PDZD8: variants seen among roughly 807,000 people sequenced by gnomAD.
PDZD8 encodes PDZ domain containing 8.
In PDZD8, 14 loss-of-function variants were observed where a neutral mutation model predicts 85.8. That is an observed-to-expected ratio of 0.16 (90% confidence interval 0.11 to 0.26). The LOEUF is 0.26. Ranked by LOEUF, PDZD8 falls within the 10% of genes least tolerant of loss-of-function variation. The pLI is 1.00. For synonymous variants in PDZD8, 592 were observed against 568.6 expected, an observed-to-expected ratio of 1.04 and a Z score of -0.59; for missense variants, 1,197 against 1,424.3, an observed-to-expected ratio of 0.84 and a Z score of 2.57.
Position 117,333,130 on chromosome 10 carries a change from A to AAAAAAAC in PDZD8, c.995+7849_995+7850insGTTTTTT, listed in dbSNP as rs1564703029. ...TGGACTCTGTCTCAAAAAAAAAAAA[A>AAAAAAAC]AAAAAAAAAAAAAGGGGATATGGAG... On this transcript the variant is annotated intron_variant, in intron 2 of 4. Transcript: ENST00000334464. 2.7e-3 allele frequency among the ~76,000 whole-genome samples: 405 copies of AAAAAAAC among 149,130 alleles called. 15 individuals are homozygous for AAAAAAAC. Among genetic ancestry groups the AAAAAAAC allele is most frequent in the Admixed American group, 0.024 (363 of 14,910 alleles).
At position 117,373,711 on chromosome 10, in the gene PDZD8, C is replaced by T. The variant is rs987738076; in HGVS notation, c.872+645G>A. ...AGGAGAATCGCTCGAACCTGGGAGG[C>T]AGAGGTTGCAGTAAGCCGAGATCGC... On this transcript the variant is annotated intron_variant, in intron 1 of 4. Coordinates refer to ENST00000334464, the MANE Select transcript of PDZD8 (RefSeq NM_173791.5). 4.6e-5 allele frequency among the ~76,000 whole-genome samples: 7 copies of T among 151,392 alleles called. No homozygotes were observed. In the East Asian group the frequency reaches 1.4e-3, roughly 29 times the overall value.
intron 2 of PDZD8, among the ~76,000 whole-genome samples, chr10:117,329,967 G>GGAAGGGAA (rs1844387411): frequency 5.3e-5 from 3 of 57,116 alleles, no homozygotes; most frequent in Non-Finnish European, 6.7e-5. Flanking sequence ...GAGGGAGGAA[G>GGAAGGGAA]GGAAGGAAGG....
At chr10:117,333,126 A>ACAAAAAC (rs1554854835) in intron 2 of PDZD8, among the ~76,000 whole-genome samples, 1 of 140,692 alleles carries the variant, frequency 7.1e-6, no homozygotes, top group African/African-American at 2.7e-5. Context: ...TCAAAAAAAA[A>ACAAAAAC]AAAAAAAAAA....
chr10:117,347,710 C>T (rs890203238), intron 1 of PDZD8, among the ~76,000 whole-genome samples: 4 of 152,096 alleles, frequency 2.6e-5, no homozygotes, highest in African/African-American at 7.2e-5. Flanking sequence ...CAGAGGAACT[C>T]ATAACAGTAG....
chr10:117,290,446 G>T, intron 3 of PDZD8, 98 bp from the exon 4 acceptor site: 2 of 846,740 alleles, frequency 2.4e-6, no homozygotes, highest in Non-Finnish European at 3.5e-6. Context: ...GAGCACCATG[G>T]CTGATGCTGA....
intron 2 of PDZD8, among the ~76,000 whole-genome samples, chr10:117,329,797 G>A (rs1844383957): frequency 6.6e-6 from 1 of 151,102 alleles, no homozygotes; most frequent in Non-Finnish European, 1.5e-5. Context: ...AATACAAAAA[G>A]GAGTTGGGTA....
intron 3 of PDZD8, among the ~76,000 whole-genome samples, chr10:117,305,389 G>A (rs1318121918): frequency 2.6e-5 from 4 of 151,170 alleles, no homozygotes; most frequent in Non-Finnish European, 5.9e-5. Context: ...CTCCAGCCTG[G>A]GCAACAGAGC....
intron 3 of PDZD8, among the ~76,000 whole-genome samples, chr10:117,318,336 C>T (rs1332162009): frequency 6.6e-6 from 1 of 152,100 alleles, no homozygotes; most frequent in African/African-American, 2.4e-5. Context: ...TAGCTTTGTT[C>T]ACTTTTTTTG....
At chr10:117,368,812 G>C (rs886097433) in intron 1 of PDZD8, among the ~76,000 whole-genome samples, 5 of 149,966 alleles carry the variant, frequency 3.3e-5, no homozygotes, top group Non-Finnish European at 7.4e-5. Context: ...TTTTTTTCTG[G>C]CAGAGTGACT....
chr10:117,373,703 C>G (rs1364148753), intron 1 of PDZD8, among the ~76,000 whole-genome samples: 1 of 151,754 alleles, frequency 6.6e-6, no homozygotes, highest in African/African-American at 2.4e-5. Context: ...TCGCTCGAAC[C>G]TGGGAGGCAG....
rs1228739114 is a variant in PDZD8, at chr10:117,283,544, C to G, written c.3189G>C (p.Glu1063Asp). The change falls in exon 5 of 5, where the codon GAG (glutamate) becomes GAC (aspartate). Residue 1063 changes from glutamate to aspartate, a missense_variant. By Grantham distance (45) the Glu-to-Asp change is conservative (BLOSUM62 2). Transcript: ENST00000334464. ...GTGATTTTTTCCTTGTATCAGTTGTCTCTTTTTCTTCTCTAACAAGGGAAT... is the reference window on the plus strand; with the variant it reads ...GTGATTTTTTCCTTGTATCAGTTGTGTCTTTTTCTTCTCTAACAAGGGAAT... ...HNNSLVREEK[E>D]TTDTRKKSLL... The G allele has an allele frequency of 1.2e-6, 2 of 1,614,170 alleles. No homozygotes were observed. The highest frequency in any genetic ancestry group is 2.2e-5 in the South Asian group (2 of 91,082).
chr10:117,330,404 T>C (rs1844401723), intron 2 of PDZD8, among the ~76,000 whole-genome samples: 2 of 152,172 alleles, frequency 1.3e-5, no homozygotes, highest in Non-Finnish European at 2.9e-5. Context: ...AATGAGTACC[T>C]CTATTTCCCC....
Position 117,284,762 on chromosome 10 carries a change from C to T in PDZD8, c.1971G>A (p.Val657=). 6.2e-7 allele frequency: 1 copy of T among 1,614,170 alleles called. No homozygotes were observed. ...AAGTTTCTGAAGTGACATCTTTGGC[C>T]ACTTCTTGCTTTGCTAAAAATTGCT... ...APKQFLAKQE[V]AKDVTSETSC... The change falls in exon 5 of 5, where the codon GTG becomes GTA. Residue 657 remains valine, a synonymous_variant. Transcript: ENST00000334464.
At chr10:117,314,032 A>G (rs550794560) in intron 3 of PDZD8, 1 of 152,342 alleles carries the variant, frequency 6.6e-6, no homozygotes, top group African/African-American at 2.4e-5. Context: ...TGTTAGAGGT[A>G]GTGGGATTTA....
At chr10:117,292,109 G>A (rs1291207387) in intron 3 of PDZD8, among the ~76,000 whole-genome samples, 2 of 152,042 alleles carry the variant, frequency 1.3e-5, no homozygotes, top group African/African-American at 2.4e-5. Context: ...AATGATATTC[G>A]CTGGTAAAAG....
At chr10:117,361,875 C>T (rs1159585970) in intron 1 of PDZD8, among the ~76,000 whole-genome samples, 2 of 152,056 alleles carry the variant, frequency 1.3e-5, no homozygotes, top group Non-Finnish European at 2.9e-5. Flanking sequence ...TTGTATTAGG[C>T]ATTATAAGTA....
Position 117,279,189 on chromosome 10 carries a change from A to T in PDZD8, c.*4079T>A, listed in dbSNP as rs1270347219. On this transcript the variant is annotated 3_prime_UTR_variant, in exon 5 of 5. Coordinates refer to ENST00000334464, the MANE Select transcript of PDZD8 (RefSeq NM_173791.5). ...GGAAAAAAATTCTAAGTTCTTTTAT[A>T]TGACTAATATTCTTGGTTAGCAAGA... 6.6e-6 allele frequency: 1 copy of T among 152,228 alleles called. No homozygotes were observed. The highest frequency in any genetic ancestry group is 2.4e-5 in the African/African-American group (1 of 41,458). The allele number at this position is 152,228 out of a possible 1,614,324, so 9.4% of individuals were successfully genotyped here. A position where few individuals can be genotyped will look rare whatever the true frequency, so the allele number is the denominator to read the frequency against.
At chr10:117,356,328 AAAGGTAAAACTC>A (rs1844894342) in intron 1 of PDZD8, among the ~76,000 whole-genome samples, 1 of 152,224 alleles carries the variant, frequency 6.6e-6, no homozygotes, top group South Asian at 2.1e-4. Context: ...AAAAATTTAA[AAAGGTAAAACTC>A]AATTTGAAGG....
At chr10:117,351,142 T>C (rs966488551) in intron 1 of PDZD8, among the ~76,000 whole-genome samples, 2 of 152,114 alleles carry the variant, frequency 1.3e-5, no homozygotes, top group South Asian at 2.1e-4. Context: ...ACGAAGCCAG[T>C]AGAGATCCAC....
Sources: allele counts gnomAD v4.1 joint callset (sites outside exome capture counted in the v4.1 genomes callset), GRCh38; gene constraint gnomAD v4.1.1; transcripts MANE v1.5; gene names NCBI Gene and HGNC (gene_info 2026-07-23, HGNC 2026-07-21).